Variants in LPIN2 observed in about 807,000 individuals in gnomAD.
The protein encoded by LPIN2 is lipin 2.
In LPIN2, 55 loss-of-function variants were observed where a neutral mutation model predicts 111.4. That is an observed-to-expected ratio of 0.49 (90% CI 0.40 to 0.62). The LOEUF is 0.62. Among genes scored for constraint, LPIN2 ranks in the 20% least tolerant of loss-of-function variants. The probability of loss-of-function intolerance (pLI) is 0.00; values close to 1 mark genes in which losing one functional copy is unlikely to be tolerated. For missense variants in LPIN2, 992 were observed against 1,112.1 expected (o/e 0.89, Z 1.54); for synonymous variants, 425 against 414.0 (o/e 1.03, Z -0.32).
At chr18:2,967,421 C>A (rs543577867) in intron 1 of LPIN2, among the ~76,000 whole-genome samples, 1 of 152,270 alleles carries the variant, frequency 6.6e-6, no homozygotes, top group South Asian at 2.1e-4. Context: ...AACTTCCCCC[C>A]AAAAGTAAGT....
At chr18:2,991,736 G>C (rs562161792) in intron 1 of LPIN2, among the ~76,000 whole-genome samples, 2 of 152,238 alleles carry the variant, frequency 1.3e-5, no homozygotes, top group Non-Finnish European at 2.9e-5. Flanking sequence ...ATAAGGCCGG[G>C]CACAGTGGCT....
intron 8 of LPIN2, 120 bp from the exon 9 acceptor site, chr18:2,931,563 C>T: frequency 2.2e-6 from 2 of 922,772 alleles, no homozygotes; most frequent in South Asian, 2.8e-5. Context: ...AACGGATGGA[C>T]CTACAATCAG....
intron 1 of LPIN2, among the ~76,000 whole-genome samples, chr18:2,968,526 G>T (rs2077846059): frequency 6.6e-6 from 1 of 152,230 alleles, no homozygotes; most frequent in Non-Finnish European, 1.5e-5. Context: ...AATCCCTTAT[G>T]ATAATGCTAT....
chr18:2,990,368 G>C (rs927796342), intron 1 of LPIN2, among the ~76,000 whole-genome samples: 11 of 152,102 alleles, frequency 7.2e-5, no homozygotes, highest in Non-Finnish European at 1.6e-4. Flanking sequence ...GAATCATACA[G>C]AATGTAAGAA....
At chr18:2,941,712 G>A (rs1333741076) in intron 4 of LPIN2, among the ~76,000 whole-genome samples, 1 of 152,218 alleles carries the variant, frequency 6.6e-6, no homozygotes, top group Non-Finnish European at 1.5e-5. Flanking sequence ...GGATCACGAG[G>A]TCAGGGGTTC....
At position 3,013,139 on chromosome 18, in the gene LPIN2, G is replaced by A. The variant is rs1047745019; in HGVS notation, c.-62C>T. On this transcript the variant is annotated 5_prime_UTR_variant, in exon 1 of 20. Transcript: ENST00000677752. ...GGCGGCTGAGGGCAGGCGGCGGCTG[G>A]ACTGCGACGGCTAGGACCCGCCGGG... 1 of 150,592 alleles carries A rather than the reference G, an allele frequency of 6.6e-6. No individual in the cohort carries two copies. The highest frequency in any genetic ancestry group is 2.4e-5 in the African/African-American group (1 of 41,304). The allele number at this position is 150,592 out of a possible 1,614,324, so 9.3% of individuals were successfully genotyped here.
Position 2,926,715 on chromosome 18 carries a change from G to T in LPIN2, c.1793+8C>A. The T allele has an allele frequency of 6.2e-7, 1 of 1,611,140 alleles. No individual in the cohort carries two copies. Among genetic ancestry groups the T allele is most frequent in the South Asian group, 1.1e-5 (1 of 91,034 alleles). The stretch of plus-strand genomic sequence containing the variant: ...TGCTATGAGCCGGGCAGAGGACAGG[G>T]CACCCACCTGGCACCGGCCGGCTCC... On this transcript the variant is annotated splice_region_variant and intron_variant, in intron 13 of 19. Transcript: ENST00000677752.
At chr18:2,932,647 C>G (rs1031678110) in intron 8 of LPIN2, among the ~76,000 whole-genome samples, 3 of 152,202 alleles carry the variant, frequency 2.0e-5, no homozygotes, top group Non-Finnish European at 4.4e-5. Flanking sequence ...CCGGGGCACA[C>G]GGCGAGGCCC....
At chr18:2,970,588 C>CT (rs945656245) in intron 1 of LPIN2, among the ~76,000 whole-genome samples, 1 of 152,224 alleles carries the variant, frequency 6.6e-6, no homozygotes, top group African/African-American at 2.4e-5. Flanking sequence ...CAACAGAGGA[C>CT]TTAAATCAGA....
intron 4 of LPIN2, among the ~76,000 whole-genome samples, chr18:2,944,230 T>TA (rs2077410274): frequency 4.0e-5 from 6 of 149,280 alleles, no homozygotes; most frequent in African/African-American, 1.5e-4. Flanking sequence ...CTTCATGACT[T>TA]TAAAAAAAAA....
At chr18:2,959,959 A>G (rs1361125535) in intron 2 of LPIN2, among the ~76,000 whole-genome samples, 1 of 152,300 alleles carries the variant, frequency 6.6e-6, no homozygotes. Flanking sequence ...ACTTGAGGTC[A>G]GGAGTTCGAG....
chr18:2,963,744 T>C (rs1371852517), intron 1 of LPIN2, among the ~76,000 whole-genome samples: 2 of 151,948 alleles, frequency 1.3e-5, no homozygotes, highest in Admixed American at 6.5e-5. Context: ...AGCATCCCTA[T>C]CTTGAGGCTT....
intron 1 of LPIN2, among the ~76,000 whole-genome samples, chr18:2,970,758 T>C (rs1259156142): frequency 6.6e-6 from 1 of 152,242 alleles, no homozygotes; most frequent in Non-Finnish European, 1.5e-5. Context: ...TTTTTAATTT[T>C]TTAAAAATGA....
At chr18:2,979,790 A>G (rs940037874) in intron 1 of LPIN2, among the ~76,000 whole-genome samples, 1 of 152,198 alleles carries the variant, frequency 6.6e-6, no homozygotes, top group African/African-American at 2.4e-5. Flanking sequence ...TTGAAAACAA[A>G]GACTTTCAGA....
rs370042698 is a variant in LPIN2, at chr18:2,937,735, T to C, written c.1125A>G (p.Glu375=). 3 of 1,614,012 alleles carry C rather than the reference T, an allele frequency of 1.9e-6. No individual in the cohort carries two copies. The Admixed American group carries it at 5.0e-5, about 27-fold the overall frequency. ...PNAALAEAPS[E]SKPAAKVDSP... ...AGTCTACTTTAGCTGCCGGTTTGGA[T>C]TCTGAGGGCGCCTCCGCTAAGGCTG... is the stretch of plus-strand genomic sequence containing the variant. Residue 375 remains glutamate (E), a synonymous_variant, in exon 7 of 20, where the codon GAA becomes GAG. Coordinates refer to ENST00000677752, the MANE Select transcript of LPIN2 (RefSeq NM_001375808.2).
intron 6 of LPIN2, among the ~76,000 whole-genome samples, chr18:2,938,472 C>T (rs1259435905): frequency 6.6e-6 from 1 of 151,936 alleles, no homozygotes; most frequent in African/African-American, 2.4e-5. Context: ...TGCAGTGAGC[C>T]GAGATGGCAC....
intron 14 of LPIN2, among the ~76,000 whole-genome samples, chr18:2,924,968 G>C (rs1380668263): frequency 6.6e-6 from 1 of 152,200 alleles, no homozygotes; most frequent in Non-Finnish European, 1.5e-5. Flanking sequence ...CGCTGGGTTA[G>C]CTGTGTACGA....
chr18:2,932,395 G>C (rs544414709), intron 8 of LPIN2, among the ~76,000 whole-genome samples: 1 of 152,204 alleles, frequency 6.6e-6, no homozygotes, highest in Non-Finnish European at 1.5e-5. Flanking sequence ...GCAGACTACA[G>C]ATTATGTTTT....
At position 2,917,392 on chromosome 18, in the gene LPIN2, TAAA is replaced by T. The variant is rs1480033048; in HGVS notation, c.*2898_*2900del. 1 of 152,206 alleles carries T rather than the reference TAAA, an allele frequency of 6.6e-6. No homozygotes were observed. Among genetic ancestry groups the T allele is most frequent in the East Asian group, 1.9e-4 (1 of 5,190 alleles). The allele number at this position is 152,206 out of a possible 1,614,324, so 9.4% of individuals were successfully genotyped here. On this transcript the variant is annotated 3_prime_UTR_variant, in exon 20 of 20. Coordinates refer to ENST00000677752, the MANE Select transcript of LPIN2 (RefSeq NM_001375808.2). ...CCGGAAGTCTGTTTTTGCCAACTTG[TAAA>T]AAGTGAAAGAGCTGACTTCCTTGTT... is the stretch of plus-strand genomic sequence containing the variant.
Sources: gnomAD v4.1 joint callset for allele counts (sites outside exome capture counted in the v4.1 genomes callset) on GRCh38, gnomAD v4.1.1 for gene constraint, MANE v1.5 for transcripts, NCBI Gene and HGNC (gene_info 2026-07-23, HGNC 2026-07-21) for gene names.